The following NRXN3 variants were observed in gnomAD, a reference collection of about 807,000 sequenced individuals.
NRXN3 encodes neurexin 3.
Under a neutral mutation model 137.6 loss-of-function variants are expected in NRXN3, and 32 were observed. The ratio of observed to expected loss-of-function variants is 0.23; its 90% CI spans 0.18 to 0.31. NRXN3 has a LOEUF of 0.31. Among genes scored for constraint, NRXN3 ranks in the 10% least tolerant of loss-of-function variants. The pLI is 1.00. For missense variants in NRXN3, 1,574 were observed against 2,062.5 expected, an observed-to-expected ratio of 0.76 and a Z score of 4.59; for synonymous variants, 798 against 784.5, an observed-to-expected ratio of 1.02 and a Z score of -0.29.
At chr14:78,728,437 C>T (rs1427448425) in intron 8 of NRXN3, among the ~76,000 whole-genome samples, 1 of 152,100 alleles carries the variant, frequency 6.6e-6, no homozygotes, top group Admixed American at 6.5e-5. Flanking sequence ...AAAAGGGCAA[C>T]CTGGGAGGGA....
At chr14:79,703,927 A>G (rs966768663) in intron 19 of NRXN3, among the ~76,000 whole-genome samples, 1 of 152,110 alleles carries the variant, frequency 6.6e-6, no homozygotes, top group African/African-American at 2.4e-5. Context: ...CCCAGAACTC[A>G]CAGATCTCCC....
intron 4 of NRXN3, among the ~76,000 whole-genome samples, chr14:78,637,494 G>T (rs997765496): frequency 1.3e-5 from 2 of 152,156 alleles, no homozygotes; most frequent in African/African-American, 4.8e-5. Context: ...CACTTCTATG[G>T]CTGGGAACTG....
intron 20 of NRXN3, among the ~76,000 whole-genome samples, chr14:79,818,760 G>A (rs772157826): frequency 2.6e-5 from 4 of 152,038 alleles, no homozygotes; most frequent in Non-Finnish European, 5.9e-5. Flanking sequence ...TCCTATGCAA[G>A]AAAAGAATCT....
At chr14:79,776,801 C>T (rs1428560531) in intron 19 of NRXN3, among the ~76,000 whole-genome samples, 2 of 152,120 alleles carry the variant, frequency 1.3e-5, no homozygotes, top group South Asian at 4.1e-4. Context: ...ACTGGGGAGC[C>T]CAGGAGTGGC....
intron 15 of NRXN3, among the ~76,000 whole-genome samples, chr14:79,108,528 C>A (rs1474026665): frequency 6.6e-6 from 1 of 152,156 alleles, no homozygotes; most frequent in Non-Finnish European, 1.5e-5. Flanking sequence ...ATGAAGGGCA[C>A]AGTTTCTCTT....
intron 10 of NRXN3, among the ~76,000 whole-genome samples, chr14:78,911,948 T>C (rs912110937): frequency 3.3e-5 from 5 of 151,934 alleles, no homozygotes; most frequent in African/African-American, 1.2e-4. Context: ...ACTTTAAGTT[T>C]TAGGGTACAT....
At chr14:79,426,974 G>A (rs1181510707) in intron 15 of NRXN3, among the ~76,000 whole-genome samples, 2 of 152,128 alleles carry the variant, frequency 1.3e-5, no homozygotes, top group Non-Finnish European at 2.9e-5. Flanking sequence ...ATATTTTAAA[G>A]TGACATTGAG....
intron 15 of NRXN3, among the ~76,000 whole-genome samples, chr14:79,102,625 G>C (rs1362946707): frequency 6.6e-6 from 1 of 152,208 alleles, no homozygotes; most frequent in Non-Finnish European, 1.5e-5. Context: ...TATTTACCAA[G>C]TGTTAGAGGA....
intron 19 of NRXN3, among the ~76,000 whole-genome samples, chr14:79,728,389 C>G (rs770275817): frequency 3.9e-5 from 6 of 152,152 alleles, no homozygotes; most frequent in Non-Finnish European, 8.8e-5. Flanking sequence ...CCTTCCTGCT[C>G]TCACCTGCCA....
chr14:78,813,414 C>T (rs2098920904), intron 10 of NRXN3, among the ~76,000 whole-genome samples: 1 of 152,048 alleles, frequency 6.6e-6, no homozygotes, highest in Non-Finnish European at 1.5e-5. Context: ...GTATTTGCAC[C>T]CTGGGTTTGA....
chr14:79,432,396 T>C (rs1198158853), intron 15 of NRXN3, among the ~76,000 whole-genome samples: 2 of 152,170 alleles, frequency 1.3e-5, no homozygotes, highest in Non-Finnish European at 2.9e-5. Flanking sequence ...CTGGCCTCTG[T>C]GCTGTTCTCC....
chr14:78,885,587 T>C (rs1193068902), intron 10 of NRXN3, among the ~76,000 whole-genome samples: 2 of 152,104 alleles, frequency 1.3e-5, no homozygotes. Context: ...TTTCCAAATT[T>C]GTATGATGTC....
At chr14:79,166,384 C>G (rs1489053169) in intron 15 of NRXN3, among the ~76,000 whole-genome samples, 1 of 151,582 alleles carries the variant, frequency 6.6e-6, no homozygotes, top group Non-Finnish European at 1.5e-5. Flanking sequence ...TTAAAATGGG[C>G]AAATCTCCCA....
At chr14:78,381,137 T>G (rs1418125710) in intron 4 of NRXN3, among the ~76,000 whole-genome samples, 1 of 152,174 alleles carries the variant, frequency 6.6e-6, no homozygotes, top group Non-Finnish European at 1.5e-5. Context: ...TCACTACTTA[T>G]TAAAAAATTA....
chr14:78,811,343 C>A (rs2098911793), intron 10 of NRXN3, among the ~76,000 whole-genome samples: 1 of 151,996 alleles, frequency 6.6e-6, no homozygotes. Flanking sequence ...CCTCGGAGTT[C>A]TTTACTTCTG....
chr14:78,664,056 C>G (rs2097861780), intron 6 of NRXN3, among the ~76,000 whole-genome samples: 1 of 152,148 alleles, frequency 6.6e-6, no homozygotes. Context: ...AAGAGAGATA[C>G]AAGGACACAT....
intron 19 of NRXN3, among the ~76,000 whole-genome samples, chr14:79,766,910 G>C (rs1024090493): frequency 2.0e-5 from 3 of 152,170 alleles, no homozygotes; most frequent in Admixed American, 1.3e-4. Context: ...CTGGAAGTGG[G>C]TTTGCAAGCT....
intron 16 of NRXN3, among the ~76,000 whole-genome samples, chr14:79,550,404 A>T (rs542860983): frequency 1.1e-4 from 17 of 152,206 alleles, no homozygotes; most frequent in African/African-American, 3.9e-4. Flanking sequence ...CTTTCCTCTG[A>T]ATTCTATAGG....
At chr14:79,486,196 A>C (rs2096654185) in intron 16 of NRXN3, among the ~76,000 whole-genome samples, 1 of 152,170 alleles carries the variant, frequency 6.6e-6, no homozygotes, top group East Asian at 1.9e-4. Flanking sequence ...TAAATTGAGT[A>C]ACAGCCTCTG....
Sources: allele counts gnomAD v4.1 joint callset (sites outside exome capture counted in the v4.1 genomes callset), GRCh38; gene constraint gnomAD v4.1.1; transcripts MANE v1.5; gene names NCBI Gene and HGNC (gene_info 2026-07-23, HGNC 2026-07-21).